Variants in FERRY3 observed in about 807,000 individuals in gnomAD.
FERRY3 encodes the protein FERRY endosomal RAB5 effector complex subunit 3.
At chr12:4,515,074 G>A in the FERRY3 span, among the ~76,000 whole-genome samples, 2 of 150,656 alleles carry the variant, frequency 1.3e-5, no homozygotes, top group African/African-American at 4.8e-5. Context: ...AAAACTTAAA[G>A]TATAATAATA....
At chr12:4,497,058 C>T in the FERRY3 span, among the ~76,000 whole-genome samples, 2 of 152,260 alleles carry the variant, frequency 1.3e-5, no homozygotes, top group South Asian at 2.1e-4. Flanking sequence ...TAATTCTCAA[C>T]AGAAATGTCA....
chr12:4,490,991 A>G, the FERRY3 span, among the ~76,000 whole-genome samples: 1 of 152,184 alleles, frequency 6.6e-6, no homozygotes, highest in Non-Finnish European at 1.5e-5. Flanking sequence ...AAGGGGCTGG[A>G]GACTTATTTT....
At chr12:4,523,934 T>C in the FERRY3 span, among the ~76,000 whole-genome samples, 1 of 152,048 alleles carries the variant, frequency 6.6e-6, no homozygotes, top group East Asian at 1.9e-4. Context: ...GTTGTGCACA[T>C]GTACCCTAGA....
the FERRY3 span, chr12:4,505,377 G>C: frequency 1.0e-4 from 164 of 1,594,134 alleles, no homozygotes; most frequent in Non-Finnish European, 1.3e-4. Context: ...TTGGTTTCCA[G>C]AATCTATTCA....
chr12:4,500,738 C>T, the FERRY3 span, among the ~76,000 whole-genome samples: 3 of 152,130 alleles, frequency 2.0e-5, no homozygotes, highest in East Asian at 1.9e-4. Context: ...CTGCAACCTC[C>T]GACTCCCTGG....
the FERRY3 span, among the ~76,000 whole-genome samples, chr12:4,523,852 T>C: frequency 6.6e-6 from 1 of 152,072 alleles, no homozygotes; most frequent in African/African-American, 2.4e-5. Context: ...GAGATACACC[T>C]AATGTAAATG....
At chr12:4,522,303 G>C in the FERRY3 span, among the ~76,000 whole-genome samples, 1 of 152,110 alleles carries the variant, frequency 6.6e-6, no homozygotes, top group African/African-American at 2.4e-5. Context: ...AAAATGAAAC[G>C]ACAAGCCACA....
At chr12:4,511,478 CAT>C in the FERRY3 span, among the ~76,000 whole-genome samples, 1 of 151,872 alleles carries the variant, frequency 6.6e-6, no homozygotes, top group South Asian at 2.1e-4. Flanking sequence ...AAATTGACCA[CAT>C]AGTTGGAAGT....
the FERRY3 span, among the ~76,000 whole-genome samples, chr12:4,528,809 T>C: frequency 6.6e-6 from 1 of 151,796 alleles, no homozygotes. Flanking sequence ...TTGCTAGCCT[T>C]ACTGTATTCT....
chr12:4,525,889 ACT>A, the FERRY3 span, among the ~76,000 whole-genome samples: 1 of 152,052 alleles, frequency 6.6e-6, no homozygotes, highest in East Asian at 1.9e-4. Context: ...AATGTTAAAA[ACT>A]CTGGACCCCT....
At chr12:4,498,823 G>A in the FERRY3 span, among the ~76,000 whole-genome samples, 1,472 of 152,204 alleles carry the variant, frequency 9.7e-3, 24 homozygotes, top group African/African-American at 0.034. Context: ...AAAGGAGCAC[G>A]CAACCTAGCT....
chr12:4,525,506 G>T, the FERRY3 span: 1 of 1,612,692 alleles, frequency 6.2e-7, no homozygotes, highest in Non-Finnish European at 8.5e-7. Flanking sequence ...AAAATGCTGA[G>T]CAGCCAGTGA....
the FERRY3 span, among the ~76,000 whole-genome samples, chr12:4,538,038 A>C: frequency 3.3e-5 from 5 of 152,288 alleles, no homozygotes; most frequent in African/African-American, 1.2e-4. Flanking sequence ...AATATGAATG[A>C]ATCAGGAATG....
chr12:4,503,309 A>T, the FERRY3 span, among the ~76,000 whole-genome samples: 3 of 152,226 alleles, frequency 2.0e-5, no homozygotes, highest in Admixed American at 1.3e-4. Context: ...TTTCTAGCAC[A>T]TTGGCTGAGT....
the FERRY3 span, among the ~76,000 whole-genome samples, chr12:4,492,060 T>G: frequency 6.6e-6 from 1 of 152,180 alleles, no homozygotes; most frequent in Admixed American, 6.5e-5. Context: ...AAAAAATTTT[T>G]TTTTAAATCA....
the FERRY3 span, among the ~76,000 whole-genome samples, chr12:4,503,445 T>C: frequency 6.6e-6 from 1 of 152,224 alleles, no homozygotes; most frequent in Non-Finnish European, 1.5e-5. Flanking sequence ...CTGTAAATAC[T>C]TAGATCATTA....
chr12:4,510,656 G>C, the FERRY3 span, among the ~76,000 whole-genome samples: 3 of 151,192 alleles, frequency 2.0e-5, 1 homozygote, highest in African/African-American at 4.9e-5. Flanking sequence ...AGCTTCGTAA[G>C]TGAAGGAGAA....
chr12:4,516,704 T>A, the FERRY3 span, among the ~76,000 whole-genome samples: 1 of 152,122 alleles, frequency 6.6e-6, no homozygotes, highest in Non-Finnish European at 1.5e-5. Context: ...ACACTCGGGC[T>A]TGTTAGGAGA....
chr12:4,492,384 G>A, the FERRY3 span, among the ~76,000 whole-genome samples: 8 of 152,052 alleles, frequency 5.3e-5, no homozygotes, highest in Non-Finnish European at 1.2e-4. Context: ...CTGGACACCC[G>A]TGCAAGAATA....
Sources: allele counts gnomAD v4.1 joint callset (sites outside exome capture counted in the v4.1 genomes callset), GRCh38; gene constraint gnomAD v4.1.1; transcripts MANE v1.5; gene names NCBI Gene and HGNC (gene_info 2026-07-23, HGNC 2026-07-21).